DPY19L3: variants seen among roughly 807,000 people sequenced by gnomAD.
DPY19L3 encodes the protein dpy-19 like C-mannosyltransferase 3.
In DPY19L3, 51 loss-of-function variants were observed where a neutral mutation model predicts 92.3. That is an observed-to-expected ratio of 0.55 (90% confidence interval 0.44 to 0.70). DPY19L3 has a LOEUF of 0.70. Among genes scored for constraint, DPY19L3 ranks in the 30% least tolerant of loss-of-function variants. DPY19L3 has a pLI of 0.00. For missense variants in DPY19L3, 706 were observed against 855.9 expected (o/e 0.82, Z 2.18); for synonymous variants, 309 against 315.2 (o/e 0.98, Z 0.21).
intron 12 of DPY19L3, among the ~76,000 whole-genome samples, chr19:32,462,742 C>G (rs559460656): frequency 6.6e-6 from 1 of 152,218 alleles, no homozygotes; most frequent in Admixed American, 6.5e-5. Context: ...ACATGCAGTT[C>G]TTAGATCCTG....
chr19:32,464,998 G>A (rs1343935101), intron 15 of DPY19L3, among the ~76,000 whole-genome samples: 2 of 152,148 alleles, frequency 1.3e-5, no homozygotes, highest in East Asian at 3.8e-4. Flanking sequence ...AACTACTATA[G>A]CATTTAATAA....
In DPY19L3 at chr19:32,408,368, A is replaced by C. The variant is rs747231646; in HGVS notation, c.103+12A>C. On this transcript the variant is annotated intron_variant, in intron 2 of 18. Transcript: ENST00000392250. ...TAAATTGCCATCTGGTAGGTGATTT[A>C]AACTAAAGCAGCAATTTGGGTTGCT... is the stretch of plus-strand genomic sequence containing the variant. 4 of 1,595,856 alleles carry C rather than the reference A, an allele frequency of 2.5e-6. No individual in the cohort carries two copies. Among genetic ancestry groups the C allele is most frequent in the Non-Finnish European group, 3.4e-6 (4 of 1,165,278 alleles).
intron 3 of DPY19L3, among the ~76,000 whole-genome samples, chr19:32,430,866 A>C (rs561646975): frequency 1.3e-5 from 2 of 150,628 alleles, no homozygotes; most frequent in African/African-American, 4.9e-5. Context: ...GAGCTCAAGC[A>C]ATCCACCCAC....
rs372439942 is a variant in DPY19L3 at position 32,434,027 on chromosome 19, T to C, written c.328+1221T>C. Among the ~76,000 whole-genome samples, 206 of 152,342 alleles carry C rather than the reference T, an allele frequency of 1.4e-3. 6 individuals carry two copies. The South Asian group carries it at 0.042, about 31-fold the overall frequency. On this transcript the variant is annotated intron_variant, in intron 4 of 18. Coordinates refer to ENST00000392250, the MANE Select transcript of DPY19L3 (RefSeq NM_001172774.2). ...CCTTCTCGTTAATTGTTTGGCTACC[T>C]TGCAGTACAGTTTATACAAGAAAAG...
chr19:32,434,140 T>C (rs561451155), intron 4 of DPY19L3, among the ~76,000 whole-genome samples: 1 of 152,318 alleles, frequency 6.6e-6, no homozygotes, highest in African/African-American at 2.4e-5. Flanking sequence ...TCCTAAAATG[T>C]ACTTATAACC....
Position 32,482,092 on chromosome 19 carries a change from C to T in DPY19L3, c.2003C>T (p.Pro668Leu), listed in dbSNP as rs768208663. The T allele has an allele frequency of 1.7e-5, 28 of 1,613,392 alleles. 1 individual carries two copies. The South Asian group carries it at 2.5e-4, about 15-fold the overall frequency. The change falls in exon 19 of 19, where the codon CCA becomes CTA. Residue 668 changes from proline (P) to leucine (L), a missense_variant. Physicochemically the swap from Pro to Leu is moderately conservative, Grantham distance 98. Transcript: ENST00000392250. The part of the protein sequence containing the change: ...DIANGHMMDG[P>L]GENDPDLKPA... ...TTTTGGTTTTAGATGATGGATGGCC[C>T]AGGAGAGAATGATCCTGATTTGAAA...
chr19:32,461,837 A>G (rs1235192383), intron 12 of DPY19L3, among the ~76,000 whole-genome samples: 2 of 152,190 alleles, frequency 1.3e-5, no homozygotes, highest in Non-Finnish European at 2.9e-5. Flanking sequence ...AAATTGTGCA[A>G]CATCTAAAGT....
chr19:32,479,191 T>C (rs1970599787), intron 17 of DPY19L3, among the ~76,000 whole-genome samples: 1 of 152,152 alleles, frequency 6.6e-6, no homozygotes, highest in Admixed American at 6.5e-5. Flanking sequence ...TAAGAATCAT[T>C]TGAATTCAGA....
At chr19:32,437,636 C>G (rs1969186937) in intron 6 of DPY19L3, among the ~76,000 whole-genome samples, 1 of 152,020 alleles carries the variant, frequency 6.6e-6, no homozygotes, top group Non-Finnish European at 1.5e-5. Context: ...AGCCGCATAT[C>G]TCATCTCTTA....
intron 13 of DPY19L3, 43 bp from the exon 14 acceptor site, chr19:32,463,826 T>C (rs1172893553): frequency 9.9e-6 from 15 of 1,517,116 alleles, no homozygotes; most frequent in Non-Finnish European, 1.2e-5. Flanking sequence ...CAGGTTTATA[T>C]ACAACTAGTA....
intron 3 of DPY19L3, among the ~76,000 whole-genome samples, chr19:32,423,646 T>A (rs916197619): frequency 2.6e-5 from 4 of 152,030 alleles, no homozygotes; most frequent in Admixed American, 2.6e-4. Flanking sequence ...AATAATGTTA[T>A]AATGCATAAT....
At chr19:32,474,396 T>G (rs1970443322) in intron 16 of DPY19L3, among the ~76,000 whole-genome samples, 1 of 152,214 alleles carries the variant, frequency 6.6e-6, no homozygotes, top group African/African-American at 2.4e-5. Flanking sequence ...GGGCTGCACC[T>G]GCTAGGGGCC....
At chr19:32,446,905 A>G (rs1159958394) in intron 8 of DPY19L3, among the ~76,000 whole-genome samples, 1 of 152,210 alleles carries the variant, frequency 6.6e-6, no homozygotes, top group Admixed American at 6.5e-5. Context: ...TAACAGCAGA[A>G]TACTCATTCT....
intron 17 of DPY19L3, 92 bp from the exon 18 acceptor site, chr19:32,480,307 T>TA: frequency 7.0e-7 from 1 of 1,426,868 alleles, no homozygotes; most frequent in South Asian, 1.4e-5. Context: ...TGTTAGGTCT[T>TA]AGACTCAGCC....
At position 32,480,795 on chromosome 19, in the gene DPY19L3, C is replaced by T; in HGVS notation, c.1989+238C>T. The T allele has an allele frequency of 5.3e-6, 3 of 570,728 alleles. No homozygotes were observed. In the South Asian group the frequency reaches 7.1e-5, roughly 13 times the overall value. 35.4% of individuals were successfully genotyped at this position (570,728 alleles called of 1,614,324 possible). ...CCTGGGTCCCCAGTGTCACACCAAA[C>T]AGAGCAGCTCTGCCTTCAGCTCATT... On this transcript the variant is annotated intron_variant, in intron 18 of 18. Transcript: ENST00000392250.
intron 8 of DPY19L3, among the ~76,000 whole-genome samples, chr19:32,445,514 G>A (rs1969469670): frequency 6.8e-6 from 1 of 147,656 alleles, no homozygotes. Context: ...GAATGAAAGG[G>A]AAATCAAAAC....
At chr19:32,465,819 T>TA (rs949632531) in intron 15 of DPY19L3, among the ~76,000 whole-genome samples, 1 of 152,180 alleles carries the variant, frequency 6.6e-6, no homozygotes, top group Admixed American at 6.5e-5. Flanking sequence ...TCCTAGATAT[T>TA]AAAAAACACA....
chr19:32,409,969 G>C (rs1445280670), intron 2 of DPY19L3, among the ~76,000 whole-genome samples: 1 of 152,170 alleles, frequency 6.6e-6, no homozygotes, highest in Non-Finnish European at 1.5e-5. Flanking sequence ...GGGAATTACT[G>C]GCCAAATGGG....
chr19:32,436,666 G>A, intron 5 of DPY19L3, 99 bp downstream of exon 5: 1 of 1,106,124 alleles, frequency 9.0e-7, no homozygotes. Context: ...TCTTCAACTG[G>A]TTTAGTAGAA....
Sources: allele counts gnomAD v4.1 joint callset (sites outside exome capture counted in the v4.1 genomes callset), GRCh38; gene constraint gnomAD v4.1.1; transcripts MANE v1.5; gene names NCBI Gene and HGNC (gene_info 2026-07-23, HGNC 2026-07-21).